Variants in APBB2 observed in about 807,000 individuals in gnomAD.
The protein encoded by APBB2 is amyloid beta precursor protein binding family B member 2, also known as Fe65-like 1.
A neutral mutation model predicts 82.5 loss-of-function variants in APBB2; 38 were observed. The observed-to-expected ratio is 0.46, with a 90% CI of 0.36 to 0.60. The LOEUF (loss-of-function observed/expected upper bound fraction) is 0.60, where lower values mean the gene tolerates loss of function less well. Ranked by LOEUF, APBB2 falls within the 20% of genes least tolerant of loss-of-function variation. The pLI is 0.00. For missense variants in APBB2, 772 were observed against 972.3 expected (o/e 0.79, Z 2.74); for synonymous variants, 341 against 368.2 (o/e 0.93, Z 0.85).
At chr4:41,035,122 A>G (rs1256770026) in intron 4 of APBB2, among the ~76,000 whole-genome samples, 1 of 152,234 alleles carries the variant, frequency 6.6e-6, no homozygotes, top group Non-Finnish European at 1.5e-5. Flanking sequence ...CTATATGCGT[A>G]ATGCACTTCC....
chr4:40,928,324 C>A (rs549936656), intron 10 of APBB2, among the ~76,000 whole-genome samples: 70 of 151,506 alleles, frequency 4.6e-4, no homozygotes, highest in African/African-American at 1.6e-3. Context: ...AGTGGGATCG[C>A]CTGAGGTCAG....
At chr4:40,926,067 C>T (rs1782537257) in intron 10 of APBB2, among the ~76,000 whole-genome samples, 1 of 152,214 alleles carries the variant, frequency 6.6e-6, no homozygotes, top group Non-Finnish European at 1.5e-5. Flanking sequence ...CAGCTGCGAA[C>T]TGGTTGCAAA....
At chr4:41,119,429 C>T (rs1752126092) in intron 2 of APBB2, among the ~76,000 whole-genome samples, 1 of 149,336 alleles carries the variant, frequency 6.7e-6, no homozygotes, top group African/African-American at 2.5e-5. Context: ...TAATTCACTA[C>T]ATTTTAATTA....
intron 2 of APBB2, among the ~76,000 whole-genome samples, chr4:41,123,791 C>G (rs920980098): frequency 6.6e-6 from 1 of 152,024 alleles, no homozygotes; most frequent in Non-Finnish European, 1.5e-5. Flanking sequence ...CCACTGCACT[C>G]CAGCCTGGGC....
rs1745378994 is a variant in APBB2, at chr4:40,815,562, G to T, written c.*530C>A. 6.5e-6 allele frequency: 1 copy of T among 153,306 alleles called. No homozygotes were observed. The highest frequency in any genetic ancestry group is 2.4e-5 in the African/African-American group (1 of 41,444). The allele number at this position is 153,306 out of a possible 1,614,324, so 9.5% of individuals were successfully genotyped here. On this transcript the variant is annotated 3_prime_UTR_variant, in exon 18 of 18. Coordinates refer to ENST00000508593, the MANE Select transcript of APBB2 (RefSeq NM_004307.2). Reference sequence around the variant, plus strand: ...TATACTGATGCCAACAGCCAATTTTGTCAACCAACAGGTTCAATTTTATGA... The same window carrying T: ...TATACTGATGCCAACAGCCAATTTTTTCAACCAACAGGTTCAATTTTATGA...
chr4:41,134,732 C>T (rs1757098887), intron 2 of APBB2, among the ~76,000 whole-genome samples: 1 of 152,144 alleles, frequency 6.6e-6, no homozygotes, highest in Non-Finnish European at 1.5e-5. Flanking sequence ...TTGAGCCACT[C>T]CCATAAGATA....
intron 6 of APBB2, among the ~76,000 whole-genome samples, chr4:40,972,457 A>AAATAAATAAAT (rs1490187380): frequency 6.6e-6 from 1 of 151,650 alleles, no homozygotes; most frequent in Non-Finnish European, 1.5e-5. Context: ...ATAAATAAAT[A>AAATAAATAAAT]AATAAAATAG....
intron 12 of APBB2, chr4:40,881,067 C>A (rs1768338413): frequency 1.0e-6 from 1 of 985,236 alleles, no homozygotes; most frequent in Non-Finnish European, 1.2e-6. Flanking sequence ...AGCATCCCAT[C>A]ATGATTAATG....
At chr4:41,181,318 G>C (rs186412857) in intron 1 of APBB2, among the ~76,000 whole-genome samples, 1 of 152,098 alleles carries the variant, frequency 6.6e-6, no homozygotes, top group Non-Finnish European at 1.5e-5. Flanking sequence ...TGGGTCTTCC[G>C]CTCCCTTACC....
chr4:40,908,965 G>A (rs540884809), intron 10 of APBB2, among the ~76,000 whole-genome samples: 6 of 152,190 alleles, frequency 3.9e-5, no homozygotes, highest in Non-Finnish European at 5.9e-5. Context: ...TGCTAGCTGC[G>A]TCCTCCTCCC....
rs1291436788 is a variant in APBB2, at chr4:40,831,976, G to GT, written c.1530-1400dup. ...AAGACAGCAGTTCAAAGATGAAAGT[G>GT]TTTTTACACACACACATATTTATAT... On this transcript the variant is annotated intron_variant, in intron 12 of 17. Coordinates refer to ENST00000508593, the MANE Select transcript of APBB2 (RefSeq NM_004307.2). Among the ~76,000 whole-genome samples, 14 of 148,952 alleles carry GT rather than the reference G, an allele frequency of 9.4e-5. 1 individual carries two copies. Among genetic ancestry groups the GT allele is most frequent in the South Asian group, 4.3e-4 (2 of 4,686 alleles).
At chr4:40,960,054 A>C (rs1464881450) in intron 6 of APBB2, among the ~76,000 whole-genome samples, 1 of 152,240 alleles carries the variant, frequency 6.6e-6, no homozygotes, top group Admixed American at 6.5e-5. Flanking sequence ...AGTGCCCTTA[A>C]AAAAATCAGT....
chr4:41,145,825 T>G (rs1018058890), intron 1 of APBB2, among the ~76,000 whole-genome samples: 2 of 152,220 alleles, frequency 1.3e-5, no homozygotes, highest in African/African-American at 2.4e-5. Context: ...AATAAATGTC[T>G]GAAGGCATCA....
At chr4:40,982,449 GAAA>G (rs1799310750) in intron 6 of APBB2, among the ~76,000 whole-genome samples, 1 of 125,326 alleles carries the variant, frequency 8.0e-6, no homozygotes, top group Non-Finnish European at 1.7e-5. Context: ...AAGAAAGAAA[GAAA>G]GAATGAATGA....
At chr4:41,154,237 A>G (rs1762946612) in intron 1 of APBB2, among the ~76,000 whole-genome samples, 1 of 152,194 alleles carries the variant, frequency 6.6e-6, no homozygotes, top group Non-Finnish European at 1.5e-5. Context: ...TTCCTCCAAT[A>G]GAGATGGCTT....
At chr4:41,146,404 G>A (rs1481701012) in intron 1 of APBB2, among the ~76,000 whole-genome samples, 3 of 151,660 alleles carry the variant, frequency 2.0e-5, no homozygotes, top group Non-Finnish European at 2.9e-5. Flanking sequence ...TGAAGTGGGA[G>A]GATTGCTTGA....
chr4:41,000,141 G>A (rs1442864553), intron 6 of APBB2, among the ~76,000 whole-genome samples: 1 of 148,624 alleles, frequency 6.7e-6, no homozygotes, highest in African/African-American at 2.5e-5. Context: ...TGCACCCGTA[G>A]TCACAGTTAC....
At chr4:40,958,919 A>G (rs954132262) in intron 6 of APBB2, among the ~76,000 whole-genome samples, 4 of 152,144 alleles carry the variant, frequency 2.6e-5, no homozygotes, top group Non-Finnish European at 4.4e-5. Context: ...ATTTTTTATA[A>G]TTTTAAAAAG....
chr4:41,040,878 T>A (rs181751883), intron 4 of APBB2, among the ~76,000 whole-genome samples: 8 of 152,252 alleles, frequency 5.3e-5, no homozygotes, highest in African/African-American at 1.7e-4. Context: ...CTGCAAATTT[T>A]TTATTTTTTT....
Sources: allele counts gnomAD v4.1 joint callset (sites outside exome capture counted in the v4.1 genomes callset), GRCh38; gene constraint gnomAD v4.1.1; transcripts MANE v1.5; gene names NCBI Gene and HGNC (gene_info 2026-07-23, HGNC 2026-07-21).